The following BTAF1 variants were observed in gnomAD, a reference collection of about 807,000 sequenced individuals.
BTAF1 encodes TATA-binding protein-associated factor 172.
BTAF1 carries 38 observed loss-of-function variants against 227.1 expected under a neutral mutation model. The ratio of observed to expected loss-of-function variants is 0.17; its 90% CI spans 0.13 to 0.22. BTAF1 has a LOEUF of 0.22. BTAF1 is among the 10% of genes least tolerant of loss of function. The probability of loss-of-function intolerance (pLI) is 1.00; values close to 1 mark genes in which losing one functional copy is unlikely to be tolerated. For synonymous variants in BTAF1, 742 were observed against 751.9 expected (o/e 0.99, Z 0.21); for missense variants, 1,598 against 2,204.0 (o/e 0.73, Z 5.51).
At position 92,025,028 on chromosome 10, in the gene BTAF1, G is replaced by GC. The variant is rs1216166664; in HGVS notation, c.5075+65dup. The GC allele has an allele frequency of 2.8e-6, 4 of 1,449,898 alleles. No homozygotes were observed. In the African/African-American group the frequency reaches 5.8e-5, roughly 21 times the overall value. 89.8% of individuals were successfully genotyped at this position (1,449,898 alleles called of 1,614,324 possible). A position where few individuals can be genotyped will look rare whatever the true frequency, so the allele number is the denominator to read the frequency against. On this transcript the variant is annotated intron_variant, in intron 35 of 37. Coordinates refer to ENST00000265990, the MANE Select transcript of BTAF1 (RefSeq NM_003972.3). Reference sequence around the variant, plus strand: ...TATATTATTACTTACATAGAAGTTTGCCCCATGAAATATTTTCATTGGCTA... The same window carrying GC: ...TATATTATTACTTACATAGAAGTTTGCCCCCATGAAATATTTTCATTGGCTA...
chr10:92,023,598 A>G (rs2134174235), intron 34 of BTAF1, among the ~76,000 whole-genome samples: 1 of 152,260 alleles, frequency 6.6e-6, no homozygotes, highest in African/African-American at 2.4e-5. Flanking sequence ...GCAGGAGAAT[A>G]TCTCGAACCT....
chr10:91,930,369 G>C (rs1844189486), intron 1 of BTAF1, among the ~76,000 whole-genome samples: 1 of 152,098 alleles, frequency 6.6e-6, no homozygotes, highest in African/African-American at 2.4e-5. Flanking sequence ...TATTTACTGA[G>C]TGCTTTCTAT....
At chr10:91,996,651 T>C (rs1849164543) in intron 24 of BTAF1, 81 bp downstream of exon 24, 2 of 1,361,422 alleles carry the variant, frequency 1.5e-6, no homozygotes, top group African/African-American at 2.9e-5. Flanking sequence ...TGATGTGTTC[T>C]AATATGCACA....
At chr10:91,979,380 C>T (rs997426471) in intron 14 of BTAF1, among the ~76,000 whole-genome samples, 1 of 152,114 alleles carries the variant, frequency 6.6e-6, no homozygotes, top group Non-Finnish European at 1.5e-5. Flanking sequence ...GTTTTTACCT[C>T]TTTGAGGAGT....
At chr10:92,020,886 A>G (rs1851072932) in intron 34 of BTAF1, among the ~76,000 whole-genome samples, 1 of 151,982 alleles carries the variant, frequency 6.6e-6, no homozygotes, top group East Asian at 1.9e-4. Flanking sequence ...TTTTTTTCCC[A>G]GCAGTTGCTA....
chr10:91,998,627 C>T (rs903881024), intron 25 of BTAF1, among the ~76,000 whole-genome samples: 7 of 152,174 alleles, frequency 4.6e-5, no homozygotes, highest in Admixed American at 6.5e-5. Flanking sequence ...TATGGCATGT[C>T]ATCCATGTTG....
At chr10:91,998,275 A>G (rs1849276290) in intron 25 of BTAF1, among the ~76,000 whole-genome samples, 1 of 152,228 alleles carries the variant, frequency 6.6e-6, no homozygotes, top group African/African-American at 2.4e-5. Flanking sequence ...CCTTTAACAC[A>G]CAGAGTTTTA....
At chr10:91,971,369 C>G (rs1314282350) in intron 14 of BTAF1, among the ~76,000 whole-genome samples, 1 of 151,990 alleles carries the variant, frequency 6.6e-6, no homozygotes, top group African/African-American at 2.4e-5. Flanking sequence ...GCACTAATCA[C>G]TGATTCTTAG....
chr10:91,981,133 A>G (rs972276696), intron 15 of BTAF1, among the ~76,000 whole-genome samples: 29 of 152,176 alleles, frequency 1.9e-4, no homozygotes, highest in African/African-American at 6.8e-4. Flanking sequence ...TGATCTTGCC[A>G]TAGGCTAGTC....
intron 1 of BTAF1, among the ~76,000 whole-genome samples, chr10:91,926,127 C>G (rs762635259): frequency 2.0e-5 from 3 of 152,146 alleles, no homozygotes; most frequent in Non-Finnish European, 2.9e-5. Flanking sequence ...TTCAAGCTGG[C>G]CTTCTCCATG....
chr10:91,944,122 A>T (rs528300890), intron 4 of BTAF1, among the ~76,000 whole-genome samples: 1 of 151,610 alleles, frequency 6.6e-6, no homozygotes, highest in South Asian at 2.1e-4. Flanking sequence ...ATTGCACTCC[A>T]GCCTGGGTGA....
At chr10:91,973,073 G>C (rs1389348108) in intron 14 of BTAF1, among the ~76,000 whole-genome samples, 1 of 152,046 alleles carries the variant, frequency 6.6e-6, no homozygotes, top group Non-Finnish European at 1.5e-5. Flanking sequence ...TCCTTTTTCT[G>C]AGCTGCTTCC....
chr10:91,998,337 A>G (rs1031020413), intron 25 of BTAF1, among the ~76,000 whole-genome samples: 10 of 152,350 alleles, frequency 6.6e-5, no homozygotes, highest in African/African-American at 2.4e-4. Flanking sequence ...AAAATTTACT[A>G]ATGCTTTTCT....
chr10:92,025,364 G>C (rs1194793230), intron 35 of BTAF1, among the ~76,000 whole-genome samples: 1 of 151,840 alleles, frequency 6.6e-6, no homozygotes, highest in African/African-American at 2.4e-5. Context: ...GCCCAGCTAG[G>C]AAGCAGAACT....
intron 24 of BTAF1, 54 bp from the exon 25 acceptor site, chr10:91,997,549 T>C (rs1429012862): frequency 6.6e-7 from 1 of 1,513,842 alleles, no homozygotes; most frequent in Admixed American, 1.9e-5. Flanking sequence ...TCAGTTTGTT[T>C]GTGAAAACAT....
chr10:91,984,099 A>G (rs1848242382), intron 18 of BTAF1, 102 bp from the exon 19 acceptor site: 1 of 984,088 alleles, frequency 1.0e-6, no homozygotes, highest in Admixed American at 2.7e-5. Context: ...TAGATTCAGT[A>G]CAAGTAAGAA....
At chr10:91,962,305 CATA>C (rs562909828) in intron 11 of BTAF1, among the ~76,000 whole-genome samples, 1,860 of 138,762 alleles carry the variant, frequency 0.013, 17 homozygotes, top group Non-Finnish European at 0.023. Flanking sequence ...GTGTCACACA[CATA>C]GTTAGGCGTG....
chr10:91,997,278 T>A lies in BTAF1; in HGVS notation c.3512-325T>A. The A allele has an allele frequency of 8.7e-6, 6 of 691,516 alleles. 1 individual carries two copies. The South Asian group carries it at 1.0e-4, about 12-fold the overall frequency. The allele number at this position is 691,516 out of a possible 1,614,324, so 42.8% of individuals were successfully genotyped here. A position where few individuals can be genotyped will look rare whatever the true frequency, so the allele number is the denominator to read the frequency against. Reference sequence around the variant, plus strand: ...TCCTTTACTTACAATGTGACTTATTTTATTTTGACATTGGAATTCCAGACG... The same window carrying A: ...TCCTTTACTTACAATGTGACTTATTATATTTTGACATTGGAATTCCAGACG... On this transcript the variant is annotated intron_variant, in intron 24 of 37. Transcript: ENST00000265990.
At position 91,997,668 on chromosome 10, in the gene BTAF1, G is replaced by C; in HGVS notation, c.3577G>C (p.Gly1193Arg). 1 of 1,614,002 alleles carries C rather than the reference G, an allele frequency of 6.2e-7. No homozygotes were observed. Among genetic ancestry groups the C allele is most frequent in the Non-Finnish European group, 8.5e-7 (1 of 1,179,908 alleles). The change falls in exon 25 of 38, where the codon GGA (glycine) becomes CGA (arginine). Residue 1193 changes from glycine (G) to arginine (R), a missense_variant. By Grantham distance (125) the Gly-to-Arg change is moderately radical. Around this residue, in one of 10 missense-constraint regions of BTAF1, gnomAD observed 425 missense variants for 491.2 expected, o/e 0.87. Coordinates refer to ENST00000265990, the MANE Select transcript of BTAF1 (RefSeq NM_003972.3). ...YIVLLVVPVL[G>R]RMSDQTDSVR... Reference sequence around the variant, plus strand: ...TGTCCTTTTAGTTGTTCCTGTATTAGGAAGAATGAGTGATCAGACAGACAG... The same window carrying C: ...TGTCCTTTTAGTTGTTCCTGTATTACGAAGAATGAGTGATCAGACAGACAG...
Sources: allele counts gnomAD v4.1 joint callset (sites outside exome capture counted in the v4.1 genomes callset), GRCh38; gene constraint gnomAD v4.1.1; regional missense constraint gnomAD v4.1.1; transcripts MANE v1.5; gene names NCBI Gene and HGNC (gene_info 2026-07-23, HGNC 2026-07-21).